Variants in PKM observed in about 807,000 individuals in gnomAD.
The protein encoded by PKM is pyruvate kinase PKM.
Under a neutral mutation model 49.8 loss-of-function variants are expected in PKM, and 18 were observed. That is an observed-to-expected ratio of 0.36 (90% CI 0.25 to 0.54). The LOEUF is 0.54. Among genes scored for constraint, PKM ranks in the 20% least tolerant of loss-of-function variants. PKM has a pLI of 0.89. For missense variants in PKM, 508 were observed against 713.8 expected, an observed-to-expected ratio of 0.71 and a Z score of 3.28; for synonymous variants, 239 against 261.8, an observed-to-expected ratio of 0.91 and a Z score of 0.84.
At chr15:72,230,543 G>T (rs1479964095) in intron 1 of PKM, among the ~76,000 whole-genome samples, 1 of 152,154 alleles carries the variant, frequency 6.6e-6, no homozygotes, top group Non-Finnish European at 1.5e-5. Context: ...AGCAAGCAGG[G>T]GGAGGGGCGG....
chr15:72,200,969 A>C lies in PKM; in HGVS notation c.1308-314T>G. The stretch of plus-strand genomic sequence containing the variant: ...TTGGCAGAACCCCTCCTACACCCTG[A>C]ACTCTGACACAGAGAGGCAGCCCTG... On this transcript the variant is annotated intron_variant, in intron 9 of 10. Transcript: ENST00000335181. The surrounding 1 kb of genome is among the most constrained non-coding windows in gnomAD (Gnocchi z 4.6). The C allele has an allele frequency of 3.2e-6, 1 of 308,240 alleles. No homozygotes were observed. The allele number at this position is 308,240 out of a possible 1,614,324, so 19.1% of individuals were successfully genotyped here.
At chr15:72,210,264 A>C (rs185959550) in intron 4 of PKM, 83 bp downstream of exon 4, 60 of 1,469,450 alleles carry the variant, frequency 4.1e-5, no homozygotes, top group Non-Finnish European at 5.1e-5. Context: ...GGGAAGAAAC[A>C]TGGCAACCCA....
intron 4 of PKM, 172 bp downstream of exon 4, chr15:72,210,175 G>C: frequency 1.2e-6 from 1 of 802,308 alleles, no homozygotes; most frequent in Non-Finnish European, 2.0e-6. Flanking sequence ...TAGCAAAGTA[G>C]ATCAAATCAA....
At chr15:72,203,715 G>T (rs951000349) in intron 8 of PKM, 1 of 164,106 alleles carries the variant, frequency 6.1e-6, no homozygotes, top group Admixed American at 5.8e-5. Flanking sequence ...ATTGAGCAGC[G>T]CTGGAAAGCT....
rs893426277 is a variant in PKM, at chr15:72,199,551, C to T, written c.*99G>A. 3.9e-5 allele frequency: 32 copies of T among 830,862 alleles called. No individual in the cohort carries two copies. The highest frequency in any genetic ancestry group is 5.8e-5 in the Non-Finnish European group (28 of 483,176). 51.5% of individuals were successfully genotyped at this position (830,862 alleles called of 1,614,324 possible). ...CTGGTGTCCCAACCTACCAGTGCCA[C>T]GTTACAGCCCAGAGTGAGTTCTACA... On this transcript the variant is annotated 3_prime_UTR_variant, in exon 11 of 11. Transcript: ENST00000335181.
rs372106641 is a variant in PKM at position 72,202,584 on chromosome 15, G to T, written c.1177C>A (p.Gln393Lys). 1 of 1,613,584 alleles carries T rather than the reference G, an allele frequency of 6.2e-7. No homozygotes were observed. Among genetic ancestry groups the T allele is most frequent in the Admixed American group, 1.7e-5 (1 of 59,988 alleles). The change falls in exon 9 of 11, where the codon CAA (glutamine) becomes AAA (lysine). Residue 393 changes from glutamine (Q) to lysine (K), a missense_variant. Transcript: ENST00000335181. The surrounding 1 kb of genome is among the most constrained non-coding windows in gnomAD (Gnocchi z 4.5). ...REAEAAIYHLQLFEELRRLAP... is the reference protein window; with the variant it reads ...REAEAAIYHLKLFEELRRLAP... ...AGGCGGCGGAGTTCCTCAAATAATTGCAAGTGGTAGATGGCAGCCTCTGCC... is the reference window on the plus strand; with the variant it reads ...AGGCGGCGGAGTTCCTCAAATAATTTCAAGTGGTAGATGGCAGCCTCTGCC...
At chr15:72,220,832 A>G (rs1255503224) in intron 1 of PKM, among the ~76,000 whole-genome samples, 1 of 152,104 alleles carries the variant, frequency 6.6e-6, no homozygotes, top group Non-Finnish European at 1.5e-5. Context: ...TACTGACAGG[A>G]AAGCCTGGGG....
At chr15:72,216,916 C>T (rs1301203830) in intron 3 of PKM, among the ~76,000 whole-genome samples, 1 of 152,184 alleles carries the variant, frequency 6.6e-6, no homozygotes, top group East Asian at 1.9e-4. Context: ...GTATTACACC[C>T]CAGATAGTGC....
Position 72,202,085 on chromosome 15 carries a change from T to A in PKM, c.1307+369A>T, listed in dbSNP as rs2081959143. The A allele has an allele frequency of 3.4e-6, 1 of 290,670 alleles. No homozygotes were observed. Among genetic ancestry groups the A allele is most frequent in the African/African-American group, 2.2e-5 (1 of 45,618 alleles). The allele number at this position is 290,670 out of a possible 1,614,324, so 18.0% of individuals were successfully genotyped here. A position where few individuals can be genotyped will look rare whatever the true frequency, so the allele number is the denominator to read the frequency against. The stretch of plus-strand genomic sequence containing the variant: ...CATTTAAATAAATTCATTTCCCAAC[T>A]GAAATTTTTAAAGAGCACATAGTAA... On this transcript the variant is annotated intron_variant, in intron 9 of 10. Transcript: ENST00000335181. The surrounding 1 kb of genome is among the most constrained non-coding windows in gnomAD (Gnocchi z 4.5).
At chr15:72,221,875 G>T (rs934701855) in intron 1 of PKM, among the ~76,000 whole-genome samples, 1 of 143,808 alleles carries the variant, frequency 7.0e-6, no homozygotes, top group African/African-American at 2.6e-5. Context: ...CTGCAGAACA[G>T]TTTCAACGGC....
intron 4 of PKM, chr15:72,210,141 AG>A (rs2082212802): frequency 1.5e-5 from 10 of 688,092 alleles, no homozygotes; most frequent in Non-Finnish European, 2.5e-6. Context: ...TAAAAAAAAA[AG>A]GTTCCTTTGT....
At chr15:72,228,167 A>T (rs2082735946) in intron 1 of PKM, among the ~76,000 whole-genome samples, 1 of 152,366 alleles carries the variant, frequency 6.6e-6, no homozygotes, top group African/African-American at 2.4e-5. Context: ...GGCTCAAGTC[A>T]GTAACTGAGA....
At chr15:72,230,826 T>C (rs2082842361) in intron 1 of PKM, 7 of 740,542 alleles carry the variant, frequency 9.5e-6, no homozygotes, top group Non-Finnish European at 1.4e-5. Context: ...GCATTGAGGA[T>C]TGGGGCAGGA....
chr15:72,213,791 T>A (rs148498240), intron 3 of PKM, among the ~76,000 whole-genome samples: 2 of 152,264 alleles, frequency 1.3e-5, no homozygotes, highest in Non-Finnish European at 2.9e-5. Context: ...TTTGGATATT[T>A]ATCTTTTCTT....
chr15:72,200,829 C>G lies in PKM; in HGVS notation c.1308-174G>C. The G allele has an allele frequency of 1.7e-6, 1 of 597,608 alleles. No homozygotes were observed. The highest frequency in any genetic ancestry group is 3.0e-6 in the Non-Finnish European group (1 of 337,214). The allele number at this position is 597,608 out of a possible 1,614,324, so 37.0% of individuals were successfully genotyped here. A position where few individuals can be genotyped will look rare whatever the true frequency, so the allele number is the denominator to read the frequency against. ...TCGGGCAGCCCCTCATCCTATATCC[C>G]CCACAGCATGCTAGGTTACCATTTG... is the stretch of plus-strand genomic sequence containing the variant. On this transcript the variant is annotated intron_variant, in intron 9 of 10. Transcript: ENST00000335181. This position sits in a 1 kb window ranked among gnomAD's most constrained non-coding sequence, Gnocchi z 4.6.
At chr15:72,229,449 G>C (rs970369982) in intron 1 of PKM, 1 of 640,628 alleles carries the variant, frequency 1.6e-6, no homozygotes, top group African/African-American at 1.9e-5. Context: ...CTCTCTCCAC[G>C]TGGACCTTCA....
chr15:72,226,969 A>G (rs2140811170), intron 1 of PKM, among the ~76,000 whole-genome samples: 1 of 152,356 alleles, frequency 6.6e-6, no homozygotes, highest in South Asian at 2.1e-4. Flanking sequence ...CTGAGCAGTC[A>G]TACCAAGAGG....
intron 8 of PKM, among the ~76,000 whole-genome samples, chr15:72,205,512 T>G (rs2082048984): frequency 6.6e-6 from 1 of 152,128 alleles, no homozygotes; most frequent in African/African-American, 2.4e-5. Flanking sequence ...AGTTCGCTAC[T>G]GAAAGAGCAT....
At chr15:72,206,553 GAA>G in intron 8 of PKM, 173 bp downstream of exon 8, 4 of 550,766 alleles carry the variant, frequency 7.3e-6, no homozygotes, top group Non-Finnish European at 9.5e-6. Flanking sequence ...CAGAACAGGA[GAA>G]AAAAAAAAGC....
Sources: allele counts gnomAD v4.1 joint callset (sites outside exome capture counted in the v4.1 genomes callset), GRCh38; gene constraint gnomAD v4.1.1; non-coding constraint Gnocchi (gnomAD v3.1); transcripts MANE v1.5; gene names NCBI Gene and HGNC (gene_info 2026-07-23, HGNC 2026-07-21).